Variants in SCEL observed in about 807,000 individuals in gnomAD.
The protein encoded by SCEL is sciellin.
A neutral mutation model predicts 117.6 loss-of-function variants in SCEL; 113 were observed. The ratio of observed to expected loss-of-function variants is 0.96; its 90% CI spans 0.83 to 1.12. The LOEUF is 1.12. Among genes scored for constraint, SCEL ranks in the 50% most tolerant of loss-of-function variants. SCEL has a pLI of 0.00. For synonymous variants in SCEL, 270 were observed against 256.2 expected (o/e 1.05, Z -0.51); for missense variants, 785 against 810.8 (o/e 0.97, Z 0.39).
At chr13:77,543,660 G>A (rs2083843523) in intron 1 of SCEL, among the ~76,000 whole-genome samples, 1 of 152,134 alleles carries the variant, frequency 6.6e-6, no homozygotes, top group Non-Finnish European at 1.5e-5. Context: ...AGTACCCAAT[G>A]TTTAGTTCCC....
chr13:77,577,476 C>T (rs2086012574), intron 9 of SCEL, among the ~76,000 whole-genome samples: 1 of 152,140 alleles, frequency 6.6e-6, no homozygotes, highest in African/African-American at 2.4e-5. Flanking sequence ...ATGGGGGAAA[C>T]TGCCCCCATG....
intron 32 of SCEL, among the ~76,000 whole-genome samples, chr13:77,643,138 T>C (rs547405504): frequency 6.6e-6 from 1 of 152,268 alleles, no homozygotes; most frequent in South Asian, 2.1e-4. Flanking sequence ...GTAAATGACA[T>C]TTTATGCTTG....
chr13:77,593,471 G>C (rs1346656873), intron 11 of SCEL, 43 bp from the exon 12 acceptor site: 1 of 1,473,700 alleles, frequency 6.8e-7, no homozygotes, highest in African/African-American at 1.4e-5. Context: ...TTCAAAAATA[G>C]CTCGACTATC....
At chr13:77,575,664 A>G (rs1419397780) in intron 9 of SCEL, among the ~76,000 whole-genome samples, 1 of 152,200 alleles carries the variant, frequency 6.6e-6, no homozygotes, top group African/African-American at 2.4e-5. Flanking sequence ...TCATAACAGC[A>G]AGACATGGCA....
intron 27 of SCEL, among the ~76,000 whole-genome samples, chr13:77,624,532 C>A (rs1342472638): frequency 2.0e-5 from 3 of 152,146 alleles, no homozygotes; most frequent in African/African-American, 4.8e-5. Context: ...TAAATAAGTT[C>A]ACATTCTGAG....
At position 77,618,002 on chromosome 13, in the gene SCEL, A is replaced by G; in HGVS notation, c.1572-2A>G. On this transcript the variant is annotated splice_acceptor_variant, in intron 26 of 32. Transcript: ENST00000349847. LOFTEE classifies it high-confidence loss of function. ...ACTTTTTTCTCTCTCTCTTTTAAAC[A>G]GCCAAGACTTGGACAATCTTATTAA... is the stretch of plus-strand genomic sequence containing the variant. 2 of 1,613,422 alleles carry G rather than the reference A, an allele frequency of 1.2e-6. No homozygotes were observed. Among genetic ancestry groups the G allele is most frequent in the South Asian group, 1.1e-5 (1 of 91,066 alleles).
intron 11 of SCEL, among the ~76,000 whole-genome samples, chr13:77,591,801 TAC>T (rs1390698864): frequency 6.6e-6 from 1 of 152,180 alleles, no homozygotes; most frequent in Non-Finnish European, 1.5e-5. Flanking sequence ...GAGGTGGAAA[TAC>T]AGTTGTTCAG....
rs566997673 is a variant in SCEL at position 77,542,313 on chromosome 13, A to G, written c.-20+6489A>G. ...CTACTCAGGAGGCTGAGGCAGGAGA[A>G]TAGCTTGAACCCGGGAGGTGGAGGT... On this transcript the variant is annotated intron_variant, in intron 1 of 32. Coordinates refer to ENST00000349847, the MANE Select transcript of SCEL (RefSeq NM_144777.3). Among the ~76,000 whole-genome samples, 177 of 152,336 alleles carry G rather than the reference A, an allele frequency of 1.2e-3. 1 individual carries two copies. Among genetic ancestry groups the G allele is most frequent in the Admixed American group, 2.4e-3 (36 of 15,298 alleles).
At chr13:77,618,091 A>G in intron 27 of SCEL, 31 bp downstream of exon 27, 1 of 1,573,458 alleles carries the variant, frequency 6.4e-7, no homozygotes, top group Non-Finnish European at 8.7e-7. Context: ...TGACATGTTT[A>G]CAAGTTTCTA....
chr13:77,574,969 CT>C (rs1488920678), intron 9 of SCEL, among the ~76,000 whole-genome samples: 1 of 152,140 alleles, frequency 6.6e-6, no homozygotes, highest in Non-Finnish European at 1.5e-5. Context: ...ACCACCTAAT[CT>C]TTCCCTGAAA....
intron 28 of SCEL, among the ~76,000 whole-genome samples, chr13:77,633,561 A>G (rs1401898714): frequency 1.3e-5 from 2 of 151,916 alleles, no homozygotes; most frequent in Non-Finnish European, 2.9e-5. Context: ...CCTTGATTTG[A>G]AGTGCAAAAT....
At chr13:77,608,838 G>A (rs1274657310) in intron 20 of SCEL, among the ~76,000 whole-genome samples, 1 of 151,970 alleles carries the variant, frequency 6.6e-6, no homozygotes, top group African/African-American at 2.4e-5. Flanking sequence ...TAATTATATG[G>A]TTTTATTTTG....
chr13:77,602,979 C>A, intron 17 of SCEL, 97 bp from the exon 18 acceptor site: 1 of 730,940 alleles, frequency 1.4e-6, no homozygotes, highest in Admixed American at 3.1e-5. Flanking sequence ...TAATAATTTT[C>A]TCCAAAAGCT....
intron 27 of SCEL, among the ~76,000 whole-genome samples, chr13:77,623,039 G>A (rs2089510670): frequency 6.6e-6 from 1 of 152,136 alleles, no homozygotes; most frequent in African/African-American, 2.4e-5. Flanking sequence ...AAGGGGTTTG[G>A]AATCAAGCCT....
chr13:77,611,764 A>G (rs2088653897), intron 22 of SCEL, among the ~76,000 whole-genome samples: 2 of 152,200 alleles, frequency 1.3e-5, no homozygotes, highest in South Asian at 4.1e-4. Context: ...GCTTTTTTAT[A>G]TGTAAAATCA....
At chr13:77,622,150 C>T (rs1666780735) in intron 27 of SCEL, among the ~76,000 whole-genome samples, 1 of 152,084 alleles carries the variant, frequency 6.6e-6, no homozygotes. Flanking sequence ...AGATTTAGTT[C>T]CTGGCGTAAA....
chr13:77,622,599 T>C (rs372512449), intron 27 of SCEL, among the ~76,000 whole-genome samples: 1 of 152,284 alleles, frequency 6.6e-6, no homozygotes, highest in African/African-American at 2.4e-5. Context: ...TTAGGCCAGG[T>C]ACCTGTAATT....
chr13:77,611,101 G>C (rs1050583948), intron 22 of SCEL, among the ~76,000 whole-genome samples: 4 of 152,158 alleles, frequency 2.6e-5, no homozygotes, highest in Non-Finnish European at 5.9e-5. Context: ...AGCTTATTTA[G>C]ACTAGATCAG....
At chr13:77,588,287 G>A (rs1403725119) in intron 9 of SCEL, among the ~76,000 whole-genome samples, 1 of 152,128 alleles carries the variant, frequency 6.6e-6, no homozygotes, top group Non-Finnish European at 1.5e-5. Context: ...TGAAGAAACA[G>A]AATCAAGTTA....
Sources: allele counts gnomAD v4.1 joint callset (sites outside exome capture counted in the v4.1 genomes callset), GRCh38; gene constraint gnomAD v4.1.1; transcripts MANE v1.5; gene names NCBI Gene and HGNC (gene_info 2026-07-23, HGNC 2026-07-21).